The following PRR11 variants were observed in gnomAD, a reference collection of about 807,000 sequenced individuals.
PRR11 encodes the protein proline rich 11, also known as proline-rich protein 11.
In PRR11, 30 loss-of-function variants were observed where a neutral mutation model predicts 45.6. That is an observed-to-expected ratio of 0.66 (90% CI 0.49 to 0.89). The LOEUF (loss-of-function observed/expected upper bound fraction) is 0.89, where lower values mean the gene tolerates loss of function less well. PRR11 is among the 40% of genes least tolerant of loss of function. The pLI, the probability that PRR11 is intolerant of heterozygous loss-of-function variation, is 0.00. For missense variants in PRR11, 373 were observed against 424.8 expected (o/e 0.88, Z 1.07); for synonymous variants, 128 against 153.5 (o/e 0.83, Z 1.23).
chr17:59,168,167 T>C (rs2046688913), intron 1 of PRR11, among the ~76,000 whole-genome samples: 1 of 151,580 alleles, frequency 6.6e-6, no homozygotes, highest in African/African-American at 2.4e-5. Context: ...TATTTTATTT[T>C]ATTTTATATA....
At chr17:59,175,500 G>A (rs1306346010) in intron 2 of PRR11, among the ~76,000 whole-genome samples, 1 of 152,216 alleles carries the variant, frequency 6.6e-6, no homozygotes, top group Non-Finnish European at 1.5e-5. Flanking sequence ...GGTGGCTCAT[G>A]CCTGTAATCC....
At chr17:59,195,140 G>A (rs561495237) in intron 6 of PRR11, among the ~76,000 whole-genome samples, 191 bp from the exon 7 acceptor site, 30 of 152,152 alleles carry the variant, frequency 2.0e-4, no homozygotes, top group Non-Finnish European at 4.1e-4. Context: ...GATTTAATTA[G>A]GCAATTTTAT....
intron 1 of PRR11, among the ~76,000 whole-genome samples, chr17:59,159,342 A>G (rs1323735508): frequency 2.2e-4 from 34 of 152,172 alleles, no homozygotes; most frequent in Admixed American, 2.2e-3. Context: ...CAAGCTACCT[A>G]TACACTTATG....
At chr17:59,184,850 G>GA (rs772123147) in intron 2 of PRR11, among the ~76,000 whole-genome samples, 4 of 72,692 alleles carry the variant, frequency 5.5e-5, no homozygotes, top group African/African-American at 2.4e-4. Context: ...GCCTGATTAA[G>GA]TTTTTTTTTT....
In PRR11 at chr17:59,202,576, A is replaced by T. The variant is rs2046898095; in HGVS notation, c.*945A>T. ...AGACCCCATCTCTAAAAATTAAAAA[A>T]AAAATTTAAATTAGAATATCATTTC... On this transcript the variant is annotated 3_prime_UTR_variant, in exon 10 of 10. Transcript: ENST00000262293. 1 of 152,192 alleles carries T rather than the reference A, an allele frequency of 6.6e-6. No individual in the cohort carries two copies. The highest frequency in any genetic ancestry group is 1.5e-5 in the Non-Finnish European group (1 of 68,052). The allele number at this position is 152,192 out of a possible 1,614,324, so 9.4% of individuals were successfully genotyped here.
At position 59,185,574 on chromosome 17, in the gene PRR11, C is replaced by T. The variant is rs1339181199; in HGVS notation, c.402+12C>T. Reference sequence around the variant, plus strand: ...AGGAAGCACTGAAGGTTGGTATTGTCAAATAAAAAGCAAATCTGGAATTAG... The same window carrying T: ...AGGAAGCACTGAAGGTTGGTATTGTTAAATAAAAAGCAAATCTGGAATTAG... On this transcript the variant is annotated intron_variant, in intron 4 of 9. Transcript: ENST00000262293. 5 of 1,580,594 alleles carry T rather than the reference C, an allele frequency of 3.2e-6. No homozygotes were observed. Among genetic ancestry groups the T allele is most frequent in the Non-Finnish European group, 4.3e-6 (5 of 1,166,938 alleles).
At chr17:59,160,083 CA>C (rs530680072) in intron 1 of PRR11, among the ~76,000 whole-genome samples, 19 of 143,972 alleles carry the variant, frequency 1.3e-4, no homozygotes, top group East Asian at 2.0e-4. Context: ...TCTCAAGCAG[CA>C]AAAAAAAAAG....
intron 1 of PRR11, among the ~76,000 whole-genome samples, chr17:59,156,786 G>A (rs2046626927): frequency 1.3e-5 from 2 of 151,820 alleles, no homozygotes; most frequent in Non-Finnish European, 1.5e-5. Flanking sequence ...ACGCCAGCAC[G>A]CCCGGCTAAT....
intron 1 of PRR11, among the ~76,000 whole-genome samples, chr17:59,165,792 CA>C (rs1218744788): frequency 8.3e-5 from 12 of 143,716 alleles, no homozygotes; most frequent in Admixed American, 1.4e-4. Flanking sequence ...AACTCTGTCT[CA>C]AAAAAAAAAC....
chr17:59,172,914 G>T (rs764469581), intron 2 of PRR11, among the ~76,000 whole-genome samples: 1 of 152,360 alleles, frequency 6.6e-6, no homozygotes, highest in East Asian at 1.9e-4. Flanking sequence ...GGCACATGGC[G>T]CAGGGCTGGC....
Position 59,201,610 on chromosome 17 carries a change from C to T in PRR11, c.1062C>T (p.Ser354=), listed in dbSNP as rs1369432726. Residue 354 remains serine (S), a synonymous_variant, in exon 10 of 10, where the codon AGC becomes AGT. Coordinates refer to ENST00000262293, the MANE Select transcript of PRR11 (RefSeq NM_018304.4). ...SPTPTLPLST[S]SFDEQN is the part of the protein sequence containing the mutation. Reference sequence around the variant, plus strand: ...CTCCAACTCTGCCACTTTCTACAAGCAGCTTTGATGAACAAAACTGATGCC... The same window carrying T: ...CTCCAACTCTGCCACTTTCTACAAGTAGCTTTGATGAACAAAACTGATGCC... 1.2e-6 allele frequency: 2 copies of T among 1,613,446 alleles called. No individual in the cohort carries two copies. The highest frequency in any genetic ancestry group is 1.7e-6 in the Non-Finnish European group (2 of 1,180,000).
Position 59,201,774 on chromosome 17 carries a change from C to T in PRR11, c.*143C>T. Reference sequence around the variant, plus strand: ...TCACCTGAGGTCAGGAGTTTGAGACCAGCCTGGCCAACATGGTGAAACTCC... The same window carrying T: ...TCACCTGAGGTCAGGAGTTTGAGACTAGCCTGGCCAACATGGTGAAACTCC... On this transcript the variant is annotated 3_prime_UTR_variant, in exon 10 of 10. Transcript: ENST00000262293. The T allele has an allele frequency of 1.3e-6, 1 of 760,240 alleles. No individual in the cohort carries two copies. 47.1% of individuals were successfully genotyped at this position (760,240 alleles called of 1,614,324 possible).
At chr17:59,178,946 T>C (rs1326119337) in intron 2 of PRR11, among the ~76,000 whole-genome samples, 1 of 152,180 alleles carries the variant, frequency 6.6e-6, no homozygotes, top group Non-Finnish European at 1.5e-5. Context: ...GACATTAAGT[T>C]TCAGAGGGCA....
intron 2 of PRR11, among the ~76,000 whole-genome samples, chr17:59,175,731 G>A (rs1314494004): frequency 6.6e-6 from 1 of 152,054 alleles, no homozygotes; most frequent in Non-Finnish European, 1.5e-5. Flanking sequence ...GGCAGAACAA[G>A]ACTCTGTCTC....
rs149668657 is a variant in PRR11 at position 59,181,983 on chromosome 17, G to A, written c.129-3071G>A. 3.1e-3 allele frequency among the ~76,000 whole-genome samples: 461 copies of A among 149,404 alleles called. 10 individuals carry two copies. The highest frequency in any genetic ancestry group is 0.011 in the African/African-American group (444 of 39,550). ...TTCTTCATGTCCTTCCCTGGTCCCT[G>A]GCTCTCTGAGTCCCTCCTTTTTTGC... On this transcript the variant is annotated intron_variant, in intron 2 of 9. Coordinates refer to ENST00000262293, the MANE Select transcript of PRR11 (RefSeq NM_018304.4).
At position 59,185,540 on chromosome 17, in the gene PRR11, G is replaced by A; in HGVS notation, c.380G>A (p.Cys127Tyr). The change falls in exon 4 of 10, where the codon TGC (cysteine) becomes TAC (tyrosine). Residue 127 changes from cysteine to tyrosine, a missense_variant. Physicochemically the swap from Cys to Tyr is radical, Grantham distance 194. Transcript: ENST00000262293. ...TTTTGCATTTTGGAAAGTAAATTAT[G>A]CAAGCTCCAGGAAGCACTGAAGGTT... Reference protein sequence around the residue: ...QQFCILESKLCKLQEALKTIS... With the variant: ...QQFCILESKLYKLQEALKTIS... The A allele has an allele frequency of 1.2e-6, 2 of 1,610,520 alleles. No individual in the cohort carries two copies. The highest frequency in any genetic ancestry group is 1.7e-4 in the Middle Eastern group (1 of 6,038).
At chr17:59,159,169 G>T (rs1460380311) in intron 1 of PRR11, among the ~76,000 whole-genome samples, 1 of 152,114 alleles carries the variant, frequency 6.6e-6, no homozygotes, top group African/African-American at 2.4e-5. Context: ...GAGCTCCATT[G>T]TCTCTGCATT....
At chr17:59,163,040 C>T (rs1217552914) in intron 1 of PRR11, among the ~76,000 whole-genome samples, 1 of 151,270 alleles carries the variant, frequency 6.6e-6, no homozygotes, top group African/African-American at 2.4e-5. Flanking sequence ...ACTTTCTCTC[C>T]TTCTTCCTAG....
At chr17:59,175,080 T>G in intron 2 of PRR11, 1 of 583,794 alleles carries the variant, frequency 1.7e-6, no homozygotes, top group South Asian at 1.7e-5. Flanking sequence ...GTAGAAAATG[T>G]TTCATTTGGA....
Sources: allele counts gnomAD v4.1 joint callset (sites outside exome capture counted in the v4.1 genomes callset), GRCh38; gene constraint gnomAD v4.1.1; transcripts MANE v1.5; gene names NCBI Gene and HGNC (gene_info 2026-07-23, HGNC 2026-07-21).